Variants in HDLBP observed in about 807,000 individuals in gnomAD.
HDLBP encodes vigilin.
In HDLBP, 30 loss-of-function variants were observed where a neutral mutation model predicts 137.3. That is an observed-to-expected ratio of 0.22 (90% CI 0.16 to 0.30). The LOEUF is 0.30. Among genes scored for constraint, HDLBP ranks in the 10% least tolerant of loss-of-function variants. HDLBP has a pLI of 1.00. For synonymous variants in HDLBP, 606 were observed against 596.0 expected (o/e 1.02, Z -0.24); for missense variants, 1,119 against 1,667.3 (o/e 0.67, Z 5.73).
chr2:241,245,134 T>C (rs538595044), intron 16 of HDLBP, among the ~76,000 whole-genome samples: 3 of 152,232 alleles, frequency 2.0e-5, no homozygotes, highest in South Asian at 4.1e-4. Flanking sequence ...ATATGTGATA[T>C]ATAACATATA....
intron 1 of HDLBP, chr2:241,273,055 C>T: frequency 6.1e-6 from 6 of 985,496 alleles, no homozygotes; most frequent in Non-Finnish European, 6.0e-6. Flanking sequence ...GCAGAGGGAG[C>T]GCGCCCCGCA....
At chr2:241,243,983 T>A (rs1193060549) in intron 16 of HDLBP, among the ~76,000 whole-genome samples, 1 of 150,750 alleles carries the variant, frequency 6.6e-6, no homozygotes, top group Non-Finnish European at 1.5e-5. Context: ...GAAAAACAGG[T>A]ATTTAACTGT....
chr2:241,280,002 G>A (rs1273273822), intron 1 of HDLBP: 1 of 985,318 alleles, frequency 1.0e-6, no homozygotes, highest in African/African-American at 1.7e-5. Flanking sequence ...CAGCGGACCA[G>A]GGGTCATCTC....
At chr2:241,307,873 AAT>A (rs2075632303) in intron 1 of HDLBP, among the ~76,000 whole-genome samples, 1 of 150,838 alleles carries the variant, frequency 6.6e-6, no homozygotes. Flanking sequence ...CCCTTGAACT[AAT>A]TTTTTTTTTT....
At chr2:241,288,318 T>G (rs1230441090) in intron 1 of HDLBP, among the ~76,000 whole-genome samples, 8 of 152,180 alleles carry the variant, frequency 5.3e-5, no homozygotes, top group Non-Finnish European at 1.2e-4. Context: ...CCTTGGAAAC[T>G]GAGAACAAGA....
intron 1 of HDLBP, among the ~76,000 whole-genome samples, chr2:241,289,100 T>C (rs889130946): frequency 3.9e-5 from 6 of 152,246 alleles, no homozygotes; most frequent in African/African-American, 1.4e-4. Context: ...AGATTAATCT[T>C]GGGCTCAGTC....
chr2:241,230,649 T>TTG lies in HDLBP; in HGVS notation c.3474+108_3474+109dup. On this transcript the variant is annotated intron_variant, in intron 25 of 27. Transcript: ENST00000310931. This position sits in a 1 kb window ranked among gnomAD's most constrained non-coding sequence, Gnocchi z 5.0. ...GACAGTTCCACTGCCAGCCCTGGGG[T>TTG]TGTGGCCTCATCATCTTGAGGGGAA... The TTG allele has an allele frequency of 1.1e-6, 1 of 918,592 alleles. No individual in the cohort carries two copies. Among genetic ancestry groups the TTG allele is most frequent in the Non-Finnish European group, 1.7e-6 (1 of 592,064 alleles). 56.9% of individuals were successfully genotyped at this position (918,592 alleles called of 1,614,324 possible).
intron 1 of HDLBP, chr2:241,273,476 C>G: frequency 1.8e-6 from 1 of 560,308 alleles, no homozygotes; most frequent in African/African-American, 2.0e-5. Context: ...ATACGCAGGA[C>G]TGGGCGGAAC....
intron 11 of HDLBP, 64 bp downstream of exon 11, chr2:241,252,893 G>T: frequency 9.0e-7 from 1 of 1,112,684 alleles, no homozygotes; most frequent in Non-Finnish European, 1.4e-6. Context: ...AGTTCTCACA[G>T]CTGACACCCC....
chr2:241,234,998 C>T (rs1574848244), intron 23 of HDLBP, 123 bp downstream of exon 23: 1 of 1,186,744 alleles, frequency 8.4e-7, no homozygotes, highest in Non-Finnish European at 1.2e-6. Context: ...GCACTGCCTG[C>T]ATCTCACCTC....
intron 1 of HDLBP, among the ~76,000 whole-genome samples, chr2:241,289,120 T>C (rs546089190): frequency 3.9e-5 from 6 of 152,232 alleles, no homozygotes; most frequent in Non-Finnish European, 5.9e-5. Context: ...CCTATCCAAA[T>C]AGAAACAATA....
chr2:241,232,558 G>A lies in HDLBP; in HGVS notation c.3288+1262C>T, dbSNP rs1347641082. The stretch of plus-strand genomic sequence containing the variant: ...CCAAAAGTGTTGGGATTACAGGCGT[G>A]AGCCACTGTGACTCACCTATAATGA... On this transcript the variant is annotated intron_variant, in intron 24 of 27. Coordinates refer to ENST00000310931, the MANE Select transcript of HDLBP (RefSeq NM_005336.6). Among the ~76,000 whole-genome samples, 5 of 152,200 alleles carry A rather than the reference G, an allele frequency of 3.3e-5. No homozygotes were observed. In the East Asian group the frequency reaches 9.6e-4, roughly 29 times the overall value.
At chr2:241,285,224 A>C (rs1170169514) in intron 1 of HDLBP, among the ~76,000 whole-genome samples, 3 of 152,192 alleles carry the variant, frequency 2.0e-5, no homozygotes, top group Non-Finnish European at 2.9e-5. Context: ...GTTTTTCTAA[A>C]CATGTTACAG....
At chr2:241,275,645 A>G (rs1013070012) in intron 1 of HDLBP, among the ~76,000 whole-genome samples, 1 of 152,232 alleles carries the variant, frequency 6.6e-6, no homozygotes, top group Non-Finnish European at 1.5e-5. Flanking sequence ...ACTACAGAGT[A>G]ACCTCAGAGC....
intron 1 of HDLBP, chr2:241,269,332 C>T (rs1410142534): frequency 6.6e-6 from 1 of 152,222 alleles, no homozygotes; most frequent in Non-Finnish European, 1.5e-5. Flanking sequence ...ACAGGAACAC[C>T]CCACTCAACT....
intron 1 of HDLBP, chr2:241,268,962 G>A (rs1303298214): frequency 6.6e-6 from 1 of 152,282 alleles, no homozygotes; most frequent in Non-Finnish European, 1.5e-5. Context: ...ACCTACAACA[G>A]AATGTGGACC....
In HDLBP at chr2:241,272,909, C is replaced by T; in HGVS notation, c.-102-4368G>A. On this transcript the variant is annotated intron_variant, in intron 1 of 27. Transcript: ENST00000310931. This position sits in a 1 kb window ranked among gnomAD's most constrained non-coding sequence, Gnocchi z 5.6. ...CCTGGACACGTCAGCGCCCGCCCGC[C>T]CCGCCGCTGGGGTCCCCGCCGCCCC... 1 of 636,670 alleles carries T rather than the reference C, an allele frequency of 1.6e-6. No homozygotes were observed. Among genetic ancestry groups the T allele is most frequent in the Non-Finnish European group, 2.0e-6 (1 of 511,322 alleles). 39.4% of individuals were successfully genotyped at this position (636,670 alleles called of 1,614,324 possible).
intron 1 of HDLBP, among the ~76,000 whole-genome samples, chr2:241,314,433 C>T (rs1036649211): frequency 5.3e-5 from 8 of 152,162 alleles, no homozygotes; most frequent in African/African-American, 1.9e-4. Context: ...AAGAAAGTGA[C>T]TATCCTTAAG....
intron 1 of HDLBP, among the ~76,000 whole-genome samples, chr2:241,289,596 A>G (rs2074942125): frequency 6.6e-6 from 1 of 152,218 alleles, no homozygotes; most frequent in Non-Finnish European, 1.5e-5. Context: ...ATCTATAAAG[A>G]GAGAAAACTG....
Sources: allele counts gnomAD v4.1 joint callset (sites outside exome capture counted in the v4.1 genomes callset), GRCh38; gene constraint gnomAD v4.1.1; non-coding constraint Gnocchi (gnomAD v3.1); transcripts MANE v1.5; gene names NCBI Gene and HGNC (gene_info 2026-07-23, HGNC 2026-07-21).